Variants in SLC12A1 observed in about 807,000 individuals in gnomAD.
SLC12A1 encodes solute carrier family 12 member 1.
SLC12A1 carries 89 observed loss-of-function variants against 130.4 expected under a neutral mutation model. The ratio of observed to expected loss-of-function variants is 0.68; its 90% CI spans 0.58 to 0.81. The LOEUF is 0.81. Among genes scored for constraint, SLC12A1 ranks in the 40% least tolerant of loss-of-function variants. The pLI is 0.00. For missense variants in SLC12A1, 1,310 were observed against 1,336.4 expected (o/e 0.98, Z 0.31); for synonymous variants, 499 against 460.0 (o/e 1.08, Z -1.09).
chr15:48,277,919 T>G (rs1160977330), intron 20 of SLC12A1, among the ~76,000 whole-genome samples: 2 of 152,328 alleles, frequency 1.3e-5, no homozygotes, highest in South Asian at 2.1e-4. Context: ...TCTATGATAA[T>G]GAAGCATTAA....
intron 4 of SLC12A1, chr15:48,226,262 G>A (rs749151010): frequency 4.1e-5 from 20 of 484,108 alleles, no homozygotes; most frequent in African/African-American, 6.1e-5. Context: ...TTTCGATTGT[G>A]TTTACTTTTG....
intron 20 of SLC12A1, among the ~76,000 whole-genome samples, chr15:48,279,578 A>C (rs560546064): frequency 2.9e-4 from 44 of 152,318 alleles, no homozygotes; most frequent in African/African-American, 1.1e-3. Flanking sequence ...AATACTGATG[A>C]CTGATAGTTT....
intron 9 of SLC12A1, chr15:48,236,882 A>G (rs1014068713): frequency 4.1e-5 from 21 of 518,058 alleles, no homozygotes; most frequent in Middle Eastern, 2.8e-4. Flanking sequence ...CCTTTAAATT[A>G]AAGAATATTG....
intron 4 of SLC12A1, chr15:48,223,034 C>G (rs1422310878): frequency 6.6e-6 from 1 of 152,254 alleles, no homozygotes; most frequent in Non-Finnish European, 1.5e-5. Flanking sequence ...ATTTAACCAT[C>G]AAGCAAGGAA....
intron 20 of SLC12A1, among the ~76,000 whole-genome samples, chr15:48,278,640 G>A (rs959444225): frequency 6.6e-6 from 1 of 152,206 alleles, no homozygotes; most frequent in South Asian, 2.1e-4. Flanking sequence ...TTAGTATTAA[G>A]AGAACTGTTC....
intron 14 of SLC12A1, 97 bp from the exon 15 acceptor site, chr15:48,251,518 T>G: frequency 1.0e-6 from 1 of 962,112 alleles, no homozygotes; most frequent in Non-Finnish European, 1.6e-6. Flanking sequence ...TCTGATTCTT[T>G]ATGTCAGGAA....
At chr15:48,274,740 T>C (rs1729726989) in intron 20 of SLC12A1, 87 bp downstream of exon 20, 11 of 832,066 alleles carry the variant, frequency 1.3e-5, no homozygotes, top group Non-Finnish European at 2.2e-5. Context: ...CAGGGCACAA[T>C]ATAGACAAAA....
intron 7 of SLC12A1, among the ~76,000 whole-genome samples, 192 bp downstream of exon 7, chr15:48,230,695 G>A (rs1006010055): frequency 2.0e-5 from 3 of 152,220 alleles, no homozygotes; most frequent in African/African-American, 7.2e-5. Flanking sequence ...CAGGGCTCAC[G>A]AGTCACATGA....
intron 2 of SLC12A1, among the ~76,000 whole-genome samples, chr15:48,208,723 A>C (rs2141000814): frequency 6.6e-6 from 1 of 152,348 alleles, no homozygotes; most frequent in Non-Finnish European, 1.5e-5. Flanking sequence ...CACTTGGTTA[A>C]ACACGTCAAA....
intron 11 of SLC12A1, among the ~76,000 whole-genome samples, chr15:48,246,355 G>C (rs2041579905): frequency 6.6e-6 from 1 of 152,076 alleles, no homozygotes; most frequent in Non-Finnish European, 1.5e-5. Context: ...GAACAGAGGG[G>C]AAAATGTCAA....
chr15:48,239,829 T>C (rs2041482136), intron 9 of SLC12A1, among the ~76,000 whole-genome samples: 1 of 151,554 alleles, frequency 6.6e-6, no homozygotes, highest in African/African-American at 2.4e-5. Flanking sequence ...TTTTGTATTT[T>C]TAGTAGAGAT....
At chr15:48,295,658 A>T (rs2042170292) in intron 24 of SLC12A1, among the ~76,000 whole-genome samples, 1 of 152,052 alleles carries the variant, frequency 6.6e-6, no homozygotes, top group Non-Finnish European at 1.5e-5. Flanking sequence ...AATTTTGGAG[A>T]TTTTCTCTCT....
chr15:48,293,669 G>A (rs970804967), intron 24 of SLC12A1, among the ~76,000 whole-genome samples: 6 of 152,070 alleles, frequency 3.9e-5, no homozygotes, highest in African/African-American at 1.4e-4. Flanking sequence ...CATTCCTACT[G>A]ATCAAACAAA....
intron 17 of SLC12A1, among the ~76,000 whole-genome samples, chr15:48,266,487 A>G (rs531802367): frequency 1.1e-3 from 173 of 150,722 alleles, no homozygotes; most frequent in African/African-American, 4.0e-3. Flanking sequence ...TTTCTCTCCA[A>G]TCTAAGACCC....
chr15:48,220,253 T>C (rs189032504), intron 2 of SLC12A1, among the ~76,000 whole-genome samples: 3 of 152,242 alleles, frequency 2.0e-5, no homozygotes, highest in African/African-American at 4.8e-5. Flanking sequence ...AGTTTCTCTT[T>C]TTGGTCGTAA....
In SLC12A1 at chr15:48,303,074, G is replaced by A; in HGVS notation, c.*189G>A. 2.3e-6 allele frequency: 1 copy of A among 428,708 alleles called. No homozygotes were observed. Among genetic ancestry groups the A allele is most frequent in the South Asian group, 6.3e-5 (1 of 15,792 alleles). 26.6% of individuals were successfully genotyped at this position (428,708 alleles called of 1,614,324 possible). A position where few individuals can be genotyped will look rare whatever the true frequency, so the allele number is the denominator to read the frequency against. On this transcript the variant is annotated 3_prime_UTR_variant, in exon 27 of 27. Transcript: ENST00000380993. ...TTTTTTTCTCTTCTCAGCTTAAGGG[G>A]TTGTCAAAGCCAATGTTATCCCTAG...
At chr15:48,300,317 C>A (rs1290354429) in intron 25 of SLC12A1, among the ~76,000 whole-genome samples, 1 of 148,708 alleles carries the variant, frequency 6.7e-6, no homozygotes, top group African/African-American at 2.5e-5. Context: ...AGGAGTGAAA[C>A]CCTGTTTAAA....
chr15:48,301,637 G>A (rs2042235011), intron 26 of SLC12A1, among the ~76,000 whole-genome samples: 2 of 152,118 alleles, frequency 1.3e-5, no homozygotes, highest in South Asian at 4.2e-4. Flanking sequence ...GAAGAGGCGT[G>A]TGCCCATCTA....
At chr15:48,237,257 A>C in intron 9 of SLC12A1, 1 of 507,474 alleles carries the variant, frequency 2.0e-6, no homozygotes, top group Non-Finnish European at 3.5e-6. Context: ...GTAAGAAGGC[A>C]CCAAGAAAGA....
Sources: gnomAD v4.1 joint callset for allele counts (sites outside exome capture counted in the v4.1 genomes callset) on GRCh38, gnomAD v4.1.1 for gene constraint, MANE v1.5 for transcripts, NCBI Gene and HGNC (gene_info 2026-07-23, HGNC 2026-07-21) for gene names.